MAGT1: variants seen among roughly 807,000 people sequenced by gnomAD.
MAGT1 encodes magnesium transporter 1.
In MAGT1, 4 loss-of-function variants were observed where a neutral mutation model predicts 28.4. The ratio of observed to expected loss-of-function variants is 0.14; its 90% CI spans 0.07 to 0.32. MAGT1 has a LOEUF of 0.32. Among genes scored for constraint, MAGT1 ranks in the 10% least tolerant of loss-of-function variants. MAGT1 has a pLI of 1.00. For synonymous variants in MAGT1, 89 were observed against 89.7 expected (o/e 0.99, Z 0.04); for missense variants, 193 against 264.5 (o/e 0.73, Z 1.88).
Position 77,889,103 on chromosome X carries a change from T to C in MAGT1, c.102+6206A>G, listed in dbSNP as rs1005378604. ...GATCCTCCCATCTCAGCCTCCCTAG[T>C]AGCTGGGACTACAGGCACACACCAC... On this transcript the variant is annotated intron_variant, in intron 1 of 9. Transcript: ENST00000618282. Among the ~76,000 whole-genome samples, 17 of 104,448 alleles carry C rather than the reference T, an allele frequency of 1.6e-4. 1 individual carries two copies. Among genetic ancestry groups the C allele is most frequent in the Middle Eastern group, 8.9e-3 (2 of 225 alleles). The allele number at this position is 104,448 out of a possible 115,157, so 90.7% of individuals were successfully genotyped here.
intron 8 of MAGT1, among the ~76,000 whole-genome samples, chrX:77,839,074 C>T (rs782408964): frequency 7.3e-5 from 8 of 109,110 alleles, no homozygotes; most frequent in African/African-American, 2.7e-4. Context: ...GAGGCCGAGG[C>T]GGGCGGATCA....
intron 8 of MAGT1, among the ~76,000 whole-genome samples, chrX:77,840,389 T>G: frequency 9.2e-6 from 1 of 108,303 alleles, no homozygotes; most frequent in South Asian, 4.1e-4. Context: ...TGAGCCGAGA[T>G]TGCACCACTG....
rs782550520 is a variant in MAGT1, at chrX:77,844,725, C to T, written c.827-3405G>A. Among the ~76,000 whole-genome samples the T allele has an allele frequency of 1.1e-4, 12 of 111,535 alleles. No homozygotes were observed. In the South Asian group the frequency reaches 2.6e-3, roughly 25 times the overall value. On this transcript the variant is annotated intron_variant, in intron 7 of 9. Coordinates refer to ENST00000618282, the MANE Select transcript of MAGT1 (RefSeq NM_001367916.1). ...TACCCAGTAGTCATTCAGGAGCAGG[C>T]TGTTCAGTTTCCATGTAGTTGAGTG... is the stretch of plus-strand genomic sequence containing the variant.
chrX:77,844,426 G>A (rs1170431140), intron 7 of MAGT1, among the ~76,000 whole-genome samples: 1 of 111,050 alleles, frequency 9.0e-6, no homozygotes, highest in Non-Finnish European at 1.9e-5. Flanking sequence ...TTTTTTGAAG[G>A]GTTTTTTGTG....
intron 2 of MAGT1, among the ~76,000 whole-genome samples, chrX:77,875,029 A>AT (rs1247437667): frequency 1.7e-3 from 171 of 99,840 alleles, no homozygotes; most frequent in African/African-American, 4.7e-3. Flanking sequence ...TAATTTTTGT[A>AT]TTTTTTTTTT....
chrX:77,849,687 A>G (rs2076961741), intron 7 of MAGT1, among the ~76,000 whole-genome samples: 1 of 109,711 alleles, frequency 9.1e-6, no homozygotes, highest in Non-Finnish European at 1.9e-5. Flanking sequence ...CCTCGCCAAC[A>G]TGATGAAACC....
At chrX:77,895,480 G>A (rs782341239), upstream of MAGT1, 24 of 1,179,184 alleles carry the variant, frequency 2.0e-5, no homozygotes, top group Non-Finnish European at 2.6e-5. Flanking sequence ...GTGAGAACAG[G>A]CAAATCGGCC....
At chrX:77,829,480 T>C (rs2076891927) in intron 9 of MAGT1, among the ~76,000 whole-genome samples, 1 of 111,553 alleles carries the variant, frequency 9.0e-6, no homozygotes, top group Non-Finnish European at 1.9e-5. Context: ...ATAATTTTAT[T>C]TTTTCATTTT....
At chrX:77,871,076 T>C in intron 2 of MAGT1, 151 bp from the exon 3 acceptor site, 1 of 491,119 alleles carries the variant, frequency 2.0e-6, no homozygotes, top group South Asian at 2.8e-5. Context: ...CAGACTCTGC[T>C]GACAGGGTTA....
intron 7 of MAGT1, among the ~76,000 whole-genome samples, chrX:77,842,767 C>A (rs939009552): frequency 9.1e-6 from 1 of 110,244 alleles, no homozygotes; most frequent in Non-Finnish European, 1.9e-5. Flanking sequence ...GCAGAGGTTG[C>A]AGTGAGCCGA....
intron 1 of MAGT1, among the ~76,000 whole-genome samples, chrX:77,882,692 C>T (rs1292969679): frequency 9.1e-6 from 1 of 110,332 alleles, no homozygotes; most frequent in Admixed American, 1.0e-4. Flanking sequence ...TATGGCCAGG[C>T]ATGGTGGTTC....
rs1465698208 is a variant in MAGT1 at position 77,868,010 on chromosome X, G to A, written c.390+2798C>T. On this transcript the variant is annotated intron_variant, in intron 3 of 9. Coordinates refer to ENST00000618282, the MANE Select transcript of MAGT1 (RefSeq NM_001367916.1). ...GAATGAGAGATGAATGTGAGCCTTG[G>A]AATGTAAAGGGGGTATGGCTATGAC... 3.0e-5 allele frequency: 2 copies of A among 66,391 alleles called. 1 individual carries two copies. Among genetic ancestry groups the A allele is most frequent in the Non-Finnish European group, 8.1e-5 (2 of 24,692 alleles). 5.5% of individuals were successfully genotyped at this position (66,391 alleles called of 1,213,427 possible). A position where few individuals can be genotyped will look rare whatever the true frequency, so the allele number is the denominator to read the frequency against.
chrX:77,879,679 T>C (rs1557218215), intron 1 of MAGT1, among the ~76,000 whole-genome samples: 1 of 111,069 alleles, frequency 9.0e-6, no homozygotes, highest in Non-Finnish European at 1.9e-5. Context: ...GTGTACTAAA[T>C]TTATAATCAG....
chrX:77,892,515 G>A (rs1557219570), intron 1 of MAGT1, among the ~76,000 whole-genome samples: 2 of 111,571 alleles, frequency 1.8e-5, no homozygotes, highest in African/African-American at 3.3e-5. Flanking sequence ...ACAGATTCCC[G>A]GCTGAACACA....
intron 3 of MAGT1, among the ~76,000 whole-genome samples, chrX:77,863,537 TA>T (rs1239442541): frequency 1.9e-5 from 2 of 108,096 alleles, no homozygotes; most frequent in Admixed American, 2.0e-4. Context: ...AAAAACAGTA[TA>T]AAGATTTCCC....
At chrX:77,873,154 C>T (rs1032139739) in intron 2 of MAGT1, among the ~76,000 whole-genome samples, 4 of 112,252 alleles carry the variant, frequency 3.6e-5, no homozygotes, top group East Asian at 5.5e-4. Flanking sequence ...TTATTACTTA[C>T]GATTCCTTTT....
chrX:77,838,758 G>GA (rs571108381), intron 8 of MAGT1, among the ~76,000 whole-genome samples: 2,411 of 67,620 alleles, frequency 0.036, 60 homozygotes, highest in East Asian at 0.1. Context: ...ACTCCGTCTC[G>GA]AAAAAAAAAA....
intron 1 of MAGT1, among the ~76,000 whole-genome samples, chrX:77,889,607 G>A (rs781863332): frequency 7.0e-4 from 76 of 109,265 alleles, no homozygotes; most frequent in Admixed American, 2.4e-3. Flanking sequence ...TCCTGAACTC[G>A]TGATCCGCCT....
chrX:77,869,164 C>T (rs989870865), intron 3 of MAGT1, among the ~76,000 whole-genome samples: 1 of 110,699 alleles, frequency 9.0e-6, no homozygotes, highest in Non-Finnish European at 1.9e-5. Context: ...TACGGGCGCC[C>T]GCCACCACAC....
Sources: gnomAD v4.1 joint callset for allele counts (sites outside exome capture counted in the v4.1 genomes callset) on GRCh38, gnomAD v4.1.1 for gene constraint, MANE v1.5 for transcripts, NCBI Gene and HGNC (gene_info 2026-07-23, HGNC 2026-07-21) for gene names.